Variants in ACAP2 observed in about 807,000 individuals in gnomAD.
ACAP2 encodes the protein arf-GAP with coiled-coil, ANK repeat and PH domain-containing protein 2.
A neutral mutation model predicts 115.8 loss-of-function variants in ACAP2; 39 were observed. The observed-to-expected ratio is 0.34, with a 90% CI of 0.26 to 0.44. The LOEUF is 0.44. Ranked by LOEUF, ACAP2 falls within the 20% of genes least tolerant of loss-of-function variation. The pLI, the probability that ACAP2 is intolerant of heterozygous loss-of-function variation, is 1.00. For synonymous variants in ACAP2, 289 were observed against 315.8 expected, an observed-to-expected ratio of 0.92 and a Z score of 0.90; for missense variants, 662 against 927.6, an observed-to-expected ratio of 0.71 and a Z score of 3.72.
intron 9 of ACAP2, among the ~76,000 whole-genome samples, chr3:195,321,391 T>C (rs569009393): frequency 6.6e-6 from 1 of 151,876 alleles, no homozygotes; most frequent in African/African-American, 2.4e-5. Flanking sequence ...CCCAGCTAAT[T>C]TTTGTAGAGA....
chr3:195,431,822 G>A (rs140323354), intron 1 of ACAP2, among the ~76,000 whole-genome samples: 3 of 152,182 alleles, frequency 2.0e-5, no homozygotes, highest in Non-Finnish European at 4.4e-5. Flanking sequence ...CCCACTGGCA[G>A]TGCATGAGGG....
At chr3:195,333,491 A>G (rs1730308217) in intron 7 of ACAP2, among the ~76,000 whole-genome samples, 2 of 152,216 alleles carry the variant, frequency 1.3e-5, no homozygotes, top group Admixed American at 1.3e-4. Context: ...GTGAGCCACC[A>G]TGCCCAGCTC....
intron 1 of ACAP2, among the ~76,000 whole-genome samples, chr3:195,423,254 T>G (rs7621133): frequency 5.9e-5 from 9 of 151,932 alleles, no homozygotes; most frequent in Non-Finnish European, 1.3e-4. Context: ...TGTGCCAAAA[T>G]AGTAACAACC....
intron 4 of ACAP2, among the ~76,000 whole-genome samples, chr3:195,372,987 C>CAAAAAAAAAAAAAAAAAAAAAAA (rs869134113): frequency 3.4e-4 from 6 of 17,778 alleles, no homozygotes; most frequent in African/African-American, 5.7e-4. Flanking sequence ...GACTCCATCT[C>CAAAAAAAAAAAAAAAAAAAAAAA]AAAAAAAAAA....
intron 1 of ACAP2, among the ~76,000 whole-genome samples, chr3:195,428,672 G>A (rs961120259): frequency 7.2e-5 from 11 of 152,026 alleles, no homozygotes; most frequent in Non-Finnish European, 1.5e-4. Context: ...AAATCATGAT[G>A]CATTTCTCAG....
chr3:195,301,402 A>T (rs1325647607), intron 15 of ACAP2, among the ~76,000 whole-genome samples, 173 bp downstream of exon 15: 3 of 152,190 alleles, frequency 2.0e-5, no homozygotes, highest in African/African-American at 7.2e-5. Flanking sequence ...AGCCATTTTT[A>T]AAACTTACAA....
chr3:195,408,093 T>C (rs984108820), intron 1 of ACAP2, among the ~76,000 whole-genome samples: 1 of 152,234 alleles, frequency 6.6e-6, no homozygotes, highest in Non-Finnish European at 1.5e-5. Context: ...ATCAAGACTT[T>C]AGTCTTTTCT....
chr3:195,279,603 A>G (rs1560193619), intron 22 of ACAP2, 175 bp from the exon 23 acceptor site: 1 of 428,694 alleles, frequency 2.3e-6, no homozygotes, highest in Non-Finnish European at 4.0e-6. Flanking sequence ...ATGCAATGAA[A>G]GAAAAAAAAA....
At chr3:195,438,531 G>A (rs1323229690) in intron 1 of ACAP2, among the ~76,000 whole-genome samples, 2 of 152,116 alleles carry the variant, frequency 1.3e-5, no homozygotes, top group Non-Finnish European at 2.9e-5. Context: ...CATAACTGAG[G>A]TGTATTTAGT....
chr3:195,372,466 C>T (rs541442853), intron 4 of ACAP2, among the ~76,000 whole-genome samples: 33 of 152,250 alleles, frequency 2.2e-4, no homozygotes, highest in Non-Finnish European at 2.2e-4. Context: ...GTCCCGGAGA[C>T]GATCACTTTA....
chr3:195,301,673 T>C (rs781384452), intron 14 of ACAP2, 29 bp from the exon 15 acceptor site: 6 of 1,582,208 alleles, frequency 3.8e-6, no homozygotes, highest in African/African-American at 2.7e-5. Context: ...ACTGCATTAC[T>C]ATCAAGTCTC....
chr3:195,404,335 A>G (rs975836164), intron 1 of ACAP2, among the ~76,000 whole-genome samples: 1 of 152,222 alleles, frequency 6.6e-6, no homozygotes, highest in African/African-American at 2.4e-5. Context: ...GGCTGAAAAC[A>G]ATTTTAGAAA....
At chr3:195,401,676 A>G (rs893293877) in intron 1 of ACAP2, among the ~76,000 whole-genome samples, 5 of 152,158 alleles carry the variant, frequency 3.3e-5, no homozygotes, top group Non-Finnish European at 7.4e-5. Context: ...AAACAAAGAG[A>G]GAAGACTACA....
chr3:195,424,261 G>GTGTATA (rs1456909404), intron 1 of ACAP2, among the ~76,000 whole-genome samples: 18 of 54,676 alleles, frequency 3.3e-4, no homozygotes, highest in South Asian at 1.4e-3. Context: ...GTGTGTGTGT[G>GTGTATA]TATATATATA....
chr3:195,337,683 G>A (rs1730596734), intron 6 of ACAP2, among the ~76,000 whole-genome samples: 1 of 152,152 alleles, frequency 6.6e-6, no homozygotes, highest in Admixed American at 6.5e-5. Flanking sequence ...CTGACCTCAA[G>A]TGATCCACCC....
intron 9 of ACAP2, chr3:195,326,183 C>T (rs1263617526): frequency 1.3e-5 from 2 of 152,136 alleles, no homozygotes; most frequent in Non-Finnish European, 2.9e-5. Context: ...CAGAAGGCAT[C>T]CTGTGCGTAC....
chr3:195,347,680 T>G (rs746840221), intron 4 of ACAP2, among the ~76,000 whole-genome samples: 86 of 152,284 alleles, frequency 5.6e-4, no homozygotes, highest in Non-Finnish European at 1.0e-3. Flanking sequence ...AAATAGGGTT[T>G]TTGCATTTAA....
chr3:195,371,021 G>C (rs971232612), intron 4 of ACAP2, among the ~76,000 whole-genome samples: 2 of 149,318 alleles, frequency 1.3e-5, no homozygotes, highest in African/African-American at 2.5e-5. Flanking sequence ...TATTCTTTTT[G>C]CTTAGGATTA....
At position 195,277,706 on chromosome 3, in the gene ACAP2, G is replaced by GA. The variant is rs1726230539; in HGVS notation, c.*1621dup. 2 of 152,214 alleles carry GA rather than the reference G, an allele frequency of 1.3e-5. No homozygotes were observed. Among genetic ancestry groups the GA allele is most frequent in the South Asian group, 4.1e-4 (2 of 4,822 alleles). The allele number at this position is 152,214 out of a possible 1,614,324, so 9.4% of individuals were successfully genotyped here. On this transcript the variant is annotated 3_prime_UTR_variant, in exon 23 of 23. Transcript: ENST00000326793. ...TATATATTTTAAAACCTCTTATTTAGAAAGAGTATCAATAATATCATTTAC... is the reference window on the plus strand; with the variant it reads ...TATATATTTTAAAACCTCTTATTTAGAAAAGAGTATCAATAATATCATTTAC...
Sources: allele counts gnomAD v4.1 joint callset (sites outside exome capture counted in the v4.1 genomes callset), GRCh38; gene constraint gnomAD v4.1.1; transcripts MANE v1.5; gene names NCBI Gene and HGNC (gene_info 2026-07-23, HGNC 2026-07-21).